SGCD: variants seen among roughly 807,000 people sequenced by gnomAD.
The protein encoded by SGCD is sarcoglycan delta.
Under a neutral mutation model 36.6 loss-of-function variants are expected in SGCD, and 18 were observed. That is an observed-to-expected ratio of 0.49 (90% confidence interval 0.34 to 0.73). The LOEUF (loss-of-function observed/expected upper bound fraction) is 0.73. SGCD is among the 30% of genes least tolerant of loss of function. SGCD has a pLI of 0.01. For synonymous variants in SGCD, 133 were observed against 130.6 expected (o/e 1.02, Z -0.12); for missense variants, 387 against 346.7 (o/e 1.12, Z -0.92).
intron 3 of SGCD, among the ~76,000 whole-genome samples, chr5:156,436,713 G>A (rs1753262223): frequency 6.6e-6 from 1 of 152,182 alleles, no homozygotes; most frequent in Non-Finnish European, 1.5e-5. Flanking sequence ...TTTACCCTGT[G>A]AAGAAGCAAA....
At chr5:156,585,846 C>T (rs143780235) in intron 4 of SGCD, among the ~76,000 whole-genome samples, 12 of 152,220 alleles carry the variant, frequency 7.9e-5, no homozygotes, top group African/African-American at 2.9e-4. Flanking sequence ...CAGCCTAATA[C>T]AGCTTTCAAT....
At chr5:156,612,932 C>A (rs1001474977) in intron 6 of SGCD, among the ~76,000 whole-genome samples, 3 of 152,204 alleles carry the variant, frequency 2.0e-5, no homozygotes, top group African/African-American at 4.8e-5. Flanking sequence ...AACTCTCTGG[C>A]AGCAAGGACT....
intron 3 of SGCD, among the ~76,000 whole-genome samples, chr5:156,391,078 C>T (rs6556578): frequency 0.71 from 108,350 of 152,096 alleles, 39,806 homozygotes; most frequent in African/African-American, 0.9. Flanking sequence ...CTTCCAGTCC[C>T]GCAAGCTCCA....
At chr5:155,800,067 C>T in the SGCD span, among the ~76,000 whole-genome samples, 1 of 151,994 alleles carries the variant, frequency 6.6e-6, no homozygotes. Context: ...GATACACCTG[C>T]CTTGGGCTCT....
At chr5:156,749,988 A>C (rs1219197604) in intron 7 of SGCD, among the ~76,000 whole-genome samples, 1 of 152,208 alleles carries the variant, frequency 6.6e-6, no homozygotes, top group Non-Finnish European at 1.5e-5. Flanking sequence ...TATTTTCAGA[A>C]ATATATAGAA....
intron 3 of SGCD, among the ~76,000 whole-genome samples, chr5:156,457,866 A>ATGGTGTCCAAGAGACC (rs1478165602): frequency 6.6e-6 from 1 of 152,146 alleles, no homozygotes; most frequent in East Asian, 1.9e-4. Context: ...TATGCAAGTG[A>ATGGTGTCCAAGAGACC]TGGTGTCCAA....
At chr5:156,184,630 A>G (rs1188777019) in intron 3 of SGCD, among the ~76,000 whole-genome samples, 5 of 152,130 alleles carry the variant, frequency 3.3e-5, no homozygotes, top group Admixed American at 2.6e-4. Context: ...AATTGATTCA[A>G]TACAATTGAT....
the SGCD span, among the ~76,000 whole-genome samples, chr5:155,794,557 A>G: frequency 0.045 from 6,776 of 152,092 alleles, 323 homozygotes; most frequent in African/African-American, 0.12. Flanking sequence ...AAATAAATTT[A>G]ACATAAAATT....
At chr5:156,603,724 T>C (rs1317831103) in intron 6 of SGCD, among the ~76,000 whole-genome samples, 1 of 152,064 alleles carries the variant, frequency 6.6e-6, no homozygotes, top group Non-Finnish European at 1.5e-5. Context: ...GTTTTTCTTC[T>C]AGTTGATTTC....
chr5:156,745,930 A>G (rs1756919754), intron 7 of SGCD, among the ~76,000 whole-genome samples: 1 of 152,068 alleles, frequency 6.6e-6, no homozygotes, highest in African/African-American at 2.4e-5. Context: ...ATCAATGAGG[A>G]AAGAGAGACT....
At chr5:156,368,131 AC>A (rs1260075993) in intron 3 of SGCD, among the ~76,000 whole-genome samples, 2 of 150,746 alleles carry the variant, frequency 1.3e-5, no homozygotes, top group African/African-American at 4.9e-5. Flanking sequence ...CACTCTTGTC[AC>A]CCAGGCTGTA....
At chr5:155,832,521 T>C in the SGCD span, among the ~76,000 whole-genome samples, 9 of 152,170 alleles carry the variant, frequency 5.9e-5, no homozygotes. Context: ...ACGCAAGCAT[T>C]GCTGCCTCTC....
chr5:156,111,880 G>A (rs1761796538), intron 1 of SGCD, among the ~76,000 whole-genome samples: 1 of 151,984 alleles, frequency 6.6e-6, no homozygotes, highest in South Asian at 2.1e-4. Context: ...CTAGGTTTAA[G>A]TGATTCTCCT....
chr5:156,609,252 T>A (rs575811644), intron 6 of SGCD, among the ~76,000 whole-genome samples: 1 of 152,174 alleles, frequency 6.6e-6, no homozygotes, highest in Non-Finnish European at 1.5e-5. Context: ...GGTGACAAAA[T>A]CTCTCAGCAT....
chr5:156,052,704 T>C, intron 1 of SGCD, among the ~76,000 whole-genome samples: 1 of 145,508 alleles, frequency 6.9e-6, no homozygotes, highest in East Asian at 1.9e-4. Context: ...GGTTCCTTGT[T>C]AAAGGAGTAA....
chr5:156,724,979 G>A (rs1755700287), intron 7 of SGCD, among the ~76,000 whole-genome samples: 1 of 152,176 alleles, frequency 6.6e-6, no homozygotes, highest in African/African-American at 2.4e-5. Flanking sequence ...TCATTTTTCT[G>A]AGGTTTCACA....
the SGCD span, among the ~76,000 whole-genome samples, chr5:155,790,172 G>GT: frequency 6.6e-6 from 1 of 151,930 alleles, no homozygotes; most frequent in African/African-American, 2.4e-5. Flanking sequence ...AAATTTTCTA[G>GT]TTTTTTAAGA....
At chr5:156,329,753 C>T (rs916145942) in intron 2 of SGCD, among the ~76,000 whole-genome samples, 174 bp downstream of exon 2, 5 of 152,066 alleles carry the variant, frequency 3.3e-5, no homozygotes, top group East Asian at 3.9e-4. Context: ...CACGGTGGCT[C>T]ACGCCTGTAA....
intron 3 of SGCD, among the ~76,000 whole-genome samples, chr5:156,255,793 G>A (rs1422316112): frequency 1.3e-5 from 2 of 151,932 alleles, no homozygotes; most frequent in Non-Finnish European, 2.9e-5. Context: ...TGGTTTTTCA[G>A]ACAACCACCT....
Sources: allele counts gnomAD v4.1 joint callset (sites outside exome capture counted in the v4.1 genomes callset), GRCh38; gene constraint gnomAD v4.1.1; transcripts MANE v1.5; gene names NCBI Gene and HGNC (gene_info 2026-07-23, HGNC 2026-07-21).